ABTB3: variants seen among roughly 807,000 people sequenced by gnomAD.
ABTB3 encodes ankyrin repeat and BTB domain containing 3.
At chr12:107,431,347 A>C in the ABTB3 span, among the ~76,000 whole-genome samples, 1 of 152,340 alleles carries the variant, frequency 6.6e-6, no homozygotes, top group East Asian at 1.9e-4. Context: ...ATGGTGCCTC[A>C]CACCTGTAAT....
chr12:107,482,955 T>G, the ABTB3 span, among the ~76,000 whole-genome samples: 4 of 52,440 alleles, frequency 7.6e-5, no homozygotes, highest in Non-Finnish European at 1.5e-4. Context: ...TTTCTTTCTT[T>G]CTTTCTTTCT....
the ABTB3 span, among the ~76,000 whole-genome samples, chr12:107,628,657 T>TA: frequency 1.3e-5 from 2 of 152,104 alleles, no homozygotes; most frequent in South Asian, 2.1e-4. Flanking sequence ...TATGACATCT[T>TA]AAAAAAAGGG....
chr12:107,387,066 C>T, the ABTB3 span, among the ~76,000 whole-genome samples: 1 of 151,828 alleles, frequency 6.6e-6, no homozygotes, highest in East Asian at 1.9e-4. Flanking sequence ...CAACCTCCAC[C>T]TCCTGGGTTC....
chr12:107,333,726 A>G, the ABTB3 span, among the ~76,000 whole-genome samples: 1 of 152,226 alleles, frequency 6.6e-6, no homozygotes, highest in East Asian at 1.9e-4. Flanking sequence ...AGCATCCATC[A>G]GTCCATAGAA....
At chr12:107,406,634 T>C in the ABTB3 span, among the ~76,000 whole-genome samples, 1 of 152,164 alleles carries the variant, frequency 6.6e-6, no homozygotes, top group Non-Finnish European at 1.5e-5. Flanking sequence ...TTTCAGTCTA[T>C]TTAAAGAGCA....
chr12:107,628,595 C>T, the ABTB3 span, among the ~76,000 whole-genome samples: 1 of 152,012 alleles, frequency 6.6e-6, no homozygotes. Flanking sequence ...TAGATGTGTA[C>T]ATTTAATAAG....
the ABTB3 span, among the ~76,000 whole-genome samples, chr12:107,460,511 T>C: frequency 6.6e-6 from 1 of 151,928 alleles, no homozygotes; most frequent in Non-Finnish European, 1.5e-5. Flanking sequence ...AAAATAAAAA[T>C]AGCTGGGTGT....
chr12:107,501,386 T>TAAA, the ABTB3 span, among the ~76,000 whole-genome samples: 2 of 121,600 alleles, frequency 1.6e-5, no homozygotes, highest in Non-Finnish European at 1.6e-5. Flanking sequence ...ATGCTCCCAG[T>TAAA]AAAAAAAAAA....
chr12:107,543,984 G>A, the ABTB3 span: 3 of 1,613,824 alleles, frequency 1.9e-6, no homozygotes, highest in Non-Finnish European at 2.5e-6. Context: ...TCAATGCCAA[G>A]CACCACGGCA....
chr12:107,505,258 G>A, the ABTB3 span, among the ~76,000 whole-genome samples: 2 of 152,044 alleles, frequency 1.3e-5, no homozygotes, highest in Non-Finnish European at 2.9e-5. Context: ...GAAATAAGTA[G>A]CTAAAAAAAT....
the ABTB3 span, chr12:107,520,302 C>A: frequency 1.0e-6 from 1 of 981,716 alleles, no homozygotes; most frequent in Non-Finnish European, 1.2e-6. Flanking sequence ...TTTGAAGAGA[C>A]CTTTGCAAAT....
the ABTB3 span, among the ~76,000 whole-genome samples, chr12:107,608,893 TAAATAAAATAA>T: frequency 2.4e-5 from 2 of 84,324 alleles, no homozygotes; most frequent in African/African-American, 1.1e-4. Context: ...TAAAATAAAA[TAAATAAAATAA>T]AATAAAATAA....
chr12:107,626,770 A>G, the ABTB3 span, among the ~76,000 whole-genome samples: 1 of 152,214 alleles, frequency 6.6e-6, no homozygotes. Flanking sequence ...TGGGATCCAT[A>G]AAGCCTCTAA....
the ABTB3 span, among the ~76,000 whole-genome samples, chr12:107,373,498 G>A: frequency 6.6e-6 from 1 of 152,120 alleles, no homozygotes; most frequent in Non-Finnish European, 1.5e-5. Flanking sequence ...GTGATTGTGA[G>A]GTTTAGAGAT....
the ABTB3 span, among the ~76,000 whole-genome samples, chr12:107,462,442 C>T: frequency 2.0e-5 from 3 of 152,190 alleles, no homozygotes; most frequent in Admixed American, 2.0e-4. Context: ...TTGTGCTAGA[C>T]TTCACAGTAA....
the ABTB3 span, among the ~76,000 whole-genome samples, chr12:107,382,667 A>G: frequency 6.6e-6 from 1 of 151,832 alleles, no homozygotes; most frequent in African/African-American, 2.4e-5. Context: ...CGAACAGAAA[A>G]CCAAACACTG....
chr12:107,461,771 G>A, the ABTB3 span, among the ~76,000 whole-genome samples: 4 of 152,124 alleles, frequency 2.6e-5, no homozygotes, highest in South Asian at 2.1e-4. Context: ...AGAGATTCAC[G>A]TCAGTCCCAA....
At chr12:107,435,237 T>C in the ABTB3 span, among the ~76,000 whole-genome samples, 1 of 152,214 alleles carries the variant, frequency 6.6e-6, no homozygotes, top group Non-Finnish European at 1.5e-5. Context: ...ACCCACCATT[T>C]CTCTTGCAGC....
At chr12:107,461,389 CG>C in the ABTB3 span, among the ~76,000 whole-genome samples, 1 of 152,006 alleles carries the variant, frequency 6.6e-6, no homozygotes, top group South Asian at 2.1e-4. Flanking sequence ...AAGAAGGCCA[CG>C]TGATGACAGA....
Sources: gnomAD v4.1 joint callset for allele counts (sites outside exome capture counted in the v4.1 genomes callset) on GRCh38, gnomAD v4.1.1 for gene constraint, MANE v1.5 for transcripts, NCBI Gene and HGNC (gene_info 2026-07-23, HGNC 2026-07-21) for gene names.